Variants in GPC6 observed in about 807,000 individuals in gnomAD.
GPC6 encodes the protein glypican-6.
Under a neutral mutation model 55.2 loss-of-function variants are expected in GPC6, and 14 were observed. That is an observed-to-expected ratio of 0.25 (90% CI 0.17 to 0.40). GPC6 has a LOEUF of 0.40. Among genes scored for constraint, GPC6 ranks in the 10% least tolerant of loss-of-function variants. The probability of loss-of-function intolerance (pLI) is 1.00; values close to 1 mark genes in which losing one functional copy is unlikely to be tolerated. For missense variants in GPC6, 641 were observed against 708.5 expected, an observed-to-expected ratio of 0.90 and a Z score of 1.08; for synonymous variants, 278 against 259.6, an observed-to-expected ratio of 1.07 and a Z score of -0.68.
intron 2 of GPC6, among the ~76,000 whole-genome samples, chr13:93,783,064 CA>C: frequency 6.6e-6 from 1 of 152,268 alleles, no homozygotes; most frequent in East Asian, 1.9e-4. Flanking sequence ...TAAGTGAGAA[CA>C]TACAGTGTTT....
intron 2 of GPC6, among the ~76,000 whole-genome samples, chr13:93,822,064 A>G (rs990045260): frequency 4.0e-5 from 6 of 151,844 alleles, no homozygotes; most frequent in Non-Finnish European, 5.9e-5. Context: ...AGTACATAAT[A>G]TTTTGCATAA....
Position 93,362,229 on chromosome 13 carries a change from C to G in GPC6, c.160+134613C>G, listed in dbSNP as rs114070648. ...CAGCTCCTCAAACATCAGATTGTCT[C>G]TGCCCAGTTCTTCCTGGAGAGAATT... On this transcript the variant is annotated intron_variant, in intron 1 of 8. Coordinates refer to ENST00000377047, the MANE Select transcript of GPC6 (RefSeq NM_005708.5). Among the ~76,000 whole-genome samples the G allele has an allele frequency of 7.9e-3, 1,196 of 152,290 alleles. 17 individuals are homozygous for G. Among genetic ancestry groups the G allele is most frequent in the African/African-American group, 0.028 (1,149 of 41,568 alleles).
chr13:93,545,111 G>A (rs1040152663), intron 1 of GPC6, 152 bp from the exon 2 acceptor site: 4 of 698,212 alleles, frequency 5.7e-6, no homozygotes, highest in Middle Eastern at 3.2e-4. Flanking sequence ...ATACACTGAT[G>A]TGCTGTGGCC....
intron 1 of GPC6, among the ~76,000 whole-genome samples, chr13:93,434,764 T>C (rs1469072985): frequency 6.6e-6 from 1 of 152,204 alleles, no homozygotes; most frequent in Non-Finnish European, 1.5e-5. Context: ...TGGAGTGCAG[T>C]GGCATGATCT....
chr13:94,387,916 G>C (rs1430252232), intron 7 of GPC6, among the ~76,000 whole-genome samples: 1 of 152,150 alleles, frequency 6.6e-6, no homozygotes, highest in African/African-American at 2.4e-5. Flanking sequence ...CAGTCTGTGG[G>C]ATTTTTGTCA....
intron 1 of GPC6, among the ~76,000 whole-genome samples, chr13:93,514,836 C>A (rs901843009): frequency 2.0e-5 from 3 of 152,040 alleles, no homozygotes; most frequent in African/African-American, 7.2e-5. Flanking sequence ...GACGTAGAGT[C>A]GTCGTGAGGA....
chr13:93,765,259 A>AGCTGTCTGGAAAGACAACTTTCCAGATAG, intron 2 of GPC6, among the ~76,000 whole-genome samples: 1 of 78,672 alleles, frequency 1.3e-5, no homozygotes, highest in Non-Finnish European at 3.7e-5. Flanking sequence ...TTTCCAGATA[A>AGCTGTCTGGAAAGACAACTTTCCAGATAG]GCTGTCTGGA....
At chr13:94,219,310 C>T (rs1890314257) in intron 4 of GPC6, among the ~76,000 whole-genome samples, 1 of 152,166 alleles carries the variant, frequency 6.6e-6, no homozygotes, top group Non-Finnish European at 1.5e-5. Context: ...CTATCAAGGG[C>T]CTGTCCCTGG....
chr13:93,354,788 G>A (rs1880784726), intron 1 of GPC6, among the ~76,000 whole-genome samples: 1 of 152,186 alleles, frequency 6.6e-6, no homozygotes, highest in East Asian at 1.9e-4. Context: ...GCATTTCTCT[G>A]TCCAGCTGTG....
intron 1 of GPC6, among the ~76,000 whole-genome samples, chr13:93,263,046 G>T (rs1432033392): frequency 6.6e-6 from 1 of 152,144 alleles, no homozygotes; most frequent in Non-Finnish European, 1.5e-5. Flanking sequence ...CCAGAAAAAG[G>T]GTGGAGATTT....
At chr13:93,505,714 G>A (rs1054115769) in intron 1 of GPC6, among the ~76,000 whole-genome samples, 2 of 152,260 alleles carry the variant, frequency 1.3e-5, no homozygotes, top group South Asian at 2.1e-4. Flanking sequence ...CATGAAAGGG[G>A]CACTTGTTTA....
Position 93,499,175 on chromosome 13 carries a change from C to G in GPC6, c.161-46088C>G, listed in dbSNP as rs534367094. ...AGGCAGCCACAGTTTACAGTAAAGT[C>G]TACTTGTGAGCAAATTCAGCTGACT... On this transcript the variant is annotated intron_variant, in intron 1 of 8. Transcript: ENST00000377047. 1.8e-4 allele frequency among the ~76,000 whole-genome samples: 28 copies of G among 151,944 alleles called. No homozygotes were observed. In the South Asian group the frequency reaches 5.0e-3, roughly 27 times the overall value.
chr13:93,470,336 A>G (rs1879063710), intron 1 of GPC6, among the ~76,000 whole-genome samples: 1 of 152,292 alleles, frequency 6.6e-6, no homozygotes, highest in African/African-American at 2.4e-5. Context: ...GTTAATGAAC[A>G]TTAACTTCTT....
intron 3 of GPC6, among the ~76,000 whole-genome samples, chr13:93,995,693 T>A (rs1245388234): frequency 1.3e-5 from 2 of 152,236 alleles, no homozygotes; most frequent in East Asian, 3.8e-4. Flanking sequence ...TATAGTTACA[T>A]AATGATGGCA....
intron 4 of GPC6, among the ~76,000 whole-genome samples, chr13:94,223,658 C>A (rs1162778657): frequency 6.6e-6 from 1 of 152,112 alleles, no homozygotes; most frequent in Non-Finnish European, 1.5e-5. Context: ...TCATATAAAT[C>A]CTCCACGCAC....
intron 3 of GPC6, among the ~76,000 whole-genome samples, chr13:93,898,966 T>TATATACACAC (rs1251225383): frequency 7.3e-6 from 1 of 137,094 alleles, no homozygotes; most frequent in African/African-American, 2.7e-5. Context: ...TATATATATA[T>TATATACACAC]ACACACACAT....
At chr13:93,278,749 G>A (rs1477094276) in intron 1 of GPC6, among the ~76,000 whole-genome samples, 1 of 152,154 alleles carries the variant, frequency 6.6e-6, no homozygotes, top group Non-Finnish European at 1.5e-5. Context: ...ATACAAAGTA[G>A]CAGATATATA....
intron 4 of GPC6, among the ~76,000 whole-genome samples, chr13:94,156,406 G>C (rs1407645544): frequency 2.6e-5 from 4 of 152,100 alleles, no homozygotes; most frequent in African/African-American, 9.7e-5. Flanking sequence ...TATAGAGATA[G>C]ATATAAATAT....
intron 1 of GPC6, among the ~76,000 whole-genome samples, chr13:93,343,976 T>A (rs1361666233): frequency 6.6e-6 from 1 of 152,218 alleles, no homozygotes; most frequent in East Asian, 1.9e-4. Context: ...CCTCTTCAAA[T>A]TTCCTTTAGT....
Sources: gnomAD v4.1 joint callset for allele counts (sites outside exome capture counted in the v4.1 genomes callset) on GRCh38, gnomAD v4.1.1 for gene constraint, MANE v1.5 for transcripts, NCBI Gene and HGNC (gene_info 2026-07-23, HGNC 2026-07-21) for gene names.